Variants in APP observed in about 807,000 individuals in gnomAD.
APP encodes the protein amyloid beta precursor protein, also known as amyloid-beta precursor protein.
APP carries 31 observed loss-of-function variants against 101.4 expected under a neutral mutation model. The observed-to-expected ratio is 0.31, with a 90% CI of 0.23 to 0.41. The LOEUF is 0.41. Ranked by LOEUF, APP falls within the 10% of genes least tolerant of loss-of-function variation. The probability of loss-of-function intolerance (pLI) is 1.00; values close to 1 mark genes in which losing one functional copy is unlikely to be tolerated. For missense variants in APP, 839 were observed against 1,003.7 expected, an observed-to-expected ratio of 0.84 and a Z score of 2.22; for synonymous variants, 366 against 364.4, an observed-to-expected ratio of 1.00 and a Z score of -0.05.
chr21:25,975,631 A>G (rs1387022107), intron 10 of APP, among the ~76,000 whole-genome samples: 3 of 152,214 alleles, frequency 2.0e-5, no homozygotes, highest in Non-Finnish European at 4.4e-5. Flanking sequence ...GTTTCCATCA[A>G]AAATTCAAAT....
intron 11 of APP, among the ~76,000 whole-genome samples, chr21:25,973,640 T>C (rs1032091865): frequency 6.6e-6 from 1 of 152,010 alleles, no homozygotes; most frequent in Admixed American, 6.5e-5. Context: ...CCTTGCTCAA[T>C]GACAAACAGA....
chr21:25,881,475 A>G lies in APP; in HGVS notation c.*195T>C. ...TATAGAGACCAAAATGTAAAGAGAG[A>G]TAGAATACATTACTGATGTGTGGAT... On this transcript the variant is annotated 3_prime_UTR_variant, in exon 18 of 18. Coordinates refer to ENST00000346798, the MANE Select transcript of APP (RefSeq NM_000484.4). 1.5e-6 allele frequency: 1 copy of G among 660,642 alleles called. No individual in the cohort carries two copies. Among genetic ancestry groups the G allele is most frequent in the Non-Finnish European group, 2.7e-6 (1 of 372,032 alleles). 40.9% of individuals were successfully genotyped at this position (660,642 alleles called of 1,614,324 possible). A position where few individuals can be genotyped will look rare whatever the true frequency, so the allele number is the denominator to read the frequency against.
intron 8 of APP, among the ~76,000 whole-genome samples, chr21:25,984,937 C>A (rs1432283014): frequency 1.3e-5 from 2 of 151,938 alleles, no homozygotes; most frequent in African/African-American, 4.8e-5. Context: ...ACATAAGCAC[C>A]CCTTTGGAAA....
intron 1 of APP, chr21:26,140,273 T>C: frequency 6.5e-7 from 1 of 1,535,810 alleles, no homozygotes; most frequent in Non-Finnish European, 8.7e-7. Flanking sequence ...ATCAACAAAC[T>C]GTTAACTGCA....
chr21:25,889,031 G>A (rs570683463), intron 17 of APP, among the ~76,000 whole-genome samples: 13 of 152,240 alleles, frequency 8.5e-5, no homozygotes, highest in African/African-American at 2.6e-4. Flanking sequence ...CTGGTCTCAC[G>A]CACAGCCAGG....
chr21:26,078,852 T>C (rs1447461527), intron 3 of APP, among the ~76,000 whole-genome samples: 1 of 152,122 alleles, frequency 6.6e-6, no homozygotes, highest in Non-Finnish European at 1.5e-5. Context: ...GAGACCAGCC[T>C]GACCAACACG....
intron 1 of APP, among the ~76,000 whole-genome samples, chr21:26,126,529 T>G (rs1281809205): frequency 6.6e-6 from 1 of 152,152 alleles, no homozygotes; most frequent in African/African-American, 2.4e-5. Context: ...GTTAACTACA[T>G]GGGTCCTAGG....
chr21:26,045,917 A>G (rs1348052620), intron 5 of APP, among the ~76,000 whole-genome samples: 3 of 152,230 alleles, frequency 2.0e-5, no homozygotes, highest in African/African-American at 4.8e-5. Context: ...TTACAGTTCC[A>G]CATGGCTGGG....
chr21:25,968,341 T>TTTTTTG (rs2041877594), intron 11 of APP, among the ~76,000 whole-genome samples: 1 of 149,664 alleles, frequency 6.7e-6, no homozygotes, highest in Non-Finnish European at 1.5e-5. Context: ...TTTTTTTTTT[T>TTTTTTG]GTAGAGATAG....
intron 11 of APP, among the ~76,000 whole-genome samples, chr21:25,968,341 T>G (rs923449413): frequency 3.3e-5 from 5 of 149,772 alleles, no homozygotes; most frequent in Admixed American, 6.7e-5. Context: ...TTTTTTTTTT[T>G]GTAGAGATAG....
intron 11 of APP, among the ~76,000 whole-genome samples, chr21:25,957,071 T>C: frequency 6.6e-6 from 1 of 152,226 alleles, no homozygotes; most frequent in East Asian, 1.9e-4. Context: ...GCTACTGTAC[T>C]TGAGAAAACA....
intron 3 of APP, among the ~76,000 whole-genome samples, chr21:26,074,905 G>A (rs1486717775): frequency 1.3e-5 from 2 of 152,122 alleles, no homozygotes; most frequent in African/African-American, 4.8e-5. Context: ...CCCTATTTCT[G>A]GAGTTGAATG....
At chr21:25,973,870 A>T (rs1270710391) in intron 11 of APP, among the ~76,000 whole-genome samples, 1 of 150,576 alleles carries the variant, frequency 6.6e-6, no homozygotes. Context: ...AACCCAGGAG[A>T]CAGAAGTTGC....
intron 13 of APP, among the ~76,000 whole-genome samples, chr21:25,952,813 A>G (rs997400032): frequency 2.0e-5 from 3 of 152,206 alleles, no homozygotes; most frequent in African/African-American, 4.8e-5. Context: ...AGACTGATAA[A>G]TTATTTCATT....
At chr21:26,081,703 T>C (rs181115238) in intron 3 of APP, among the ~76,000 whole-genome samples, 1 of 152,330 alleles carries the variant, frequency 6.6e-6, no homozygotes, top group East Asian at 1.9e-4. Context: ...TGGAATACTA[T>C]ATTATCATAC....
chr21:26,144,180 G>T (rs1601565940), intron 1 of APP, among the ~76,000 whole-genome samples: 1 of 152,094 alleles, frequency 6.6e-6, no homozygotes, highest in African/African-American at 2.4e-5. Context: ...CAGGATGGGG[G>T]AAACCGCCTC....
intron 3 of APP, among the ~76,000 whole-genome samples, chr21:26,054,350 T>A (rs575755456): frequency 5.6e-4 from 85 of 152,326 alleles, no homozygotes; most frequent in Middle Eastern, 6.8e-3. Context: ...CTGGCCTAGT[T>A]CTGTCAAACA....
chr21:25,897,306 G>A (rs929477876), intron 16 of APP, among the ~76,000 whole-genome samples: 2 of 152,034 alleles, frequency 1.3e-5, no homozygotes, highest in South Asian at 2.1e-4. Flanking sequence ...AGTAGAGATG[G>A]GGTTTCACCA....
At chr21:26,054,109 C>T (rs1296935705) in intron 3 of APP, among the ~76,000 whole-genome samples, 1 of 152,124 alleles carries the variant, frequency 6.6e-6, no homozygotes, top group Non-Finnish European at 1.5e-5. Context: ...CAGATTCTTG[C>T]ACATAGTAGG....
Sources: gnomAD v4.1 joint callset for allele counts (sites outside exome capture counted in the v4.1 genomes callset) on GRCh38, gnomAD v4.1.1 for gene constraint, MANE v1.5 for transcripts, NCBI Gene and HGNC (gene_info 2026-07-23, HGNC 2026-07-21) for gene names.